Variants in CDC42SE2 observed in about 807,000 individuals in gnomAD.
CDC42SE2 encodes CDC42 small effector 2.
Under a neutral mutation model 11.5 loss-of-function variants are expected in CDC42SE2, and 3 were observed. That is an observed-to-expected ratio of 0.26 (90% CI 0.12 to 0.67). The LOEUF (loss-of-function observed/expected upper bound fraction) is 0.67. Ranked by LOEUF, CDC42SE2 falls within the 30% of genes least tolerant of loss-of-function variation. CDC42SE2 has a pLI of 0.80. For missense variants in CDC42SE2, 82 were observed against 106.8 expected (o/e 0.77, Z 1.02); for synonymous variants, 33 against 34.8 (o/e 0.95, Z 0.18).
At chr5:131,351,523 G>C (rs1346286904) in intron 2 of CDC42SE2, among the ~76,000 whole-genome samples, 1 of 152,072 alleles carries the variant, frequency 6.6e-6, no homozygotes, top group Non-Finnish European at 1.5e-5. Flanking sequence ...CAAAGTGTTG[G>C]GATTACAGGC....
At chr5:131,258,919 A>G (rs1358758804) in intron 2 of CDC42SE2, among the ~76,000 whole-genome samples, 1 of 152,238 alleles carries the variant, frequency 6.6e-6, no homozygotes, top group African/African-American at 2.4e-5. Flanking sequence ...CCTGGCAAAC[A>G]GCAGGCATTC....
chr5:131,218,735 G>A, the CDC42SE2 span, among the ~76,000 whole-genome samples: 2 of 152,294 alleles, frequency 1.3e-5, no homozygotes, highest in East Asian at 1.9e-4. Context: ...TCAAGATAGC[G>A]GTTATCCTTG....
intron 1 of CDC42SE2, among the ~76,000 whole-genome samples, chr5:131,279,878 GCCC>G (rs1757203060): frequency 6.6e-6 from 1 of 152,116 alleles, no homozygotes; most frequent in Non-Finnish European, 1.5e-5. Context: ...TTCGAGATCA[GCCC>G]AGGCAACAGG....
In CDC42SE2 at chr5:131,348,865, A is replaced by T. The variant is rs536221455; in HGVS notation, c.-285-10344A>T. On this transcript the variant is annotated intron_variant, in intron 2 of 4. Coordinates refer to ENST00000505065, the MANE Select transcript of CDC42SE2 (RefSeq NM_001375635.1). ...TCTACACCCATCTGATCTTTGAGAAACCTGACAAAAACAAGAAATGGGGAA... is the reference window on the plus strand; with the variant it reads ...TCTACACCCATCTGATCTTTGAGAATCCTGACAAAAACAAGAAATGGGGAA... Among the ~76,000 whole-genome samples, 5 of 152,322 alleles carry T rather than the reference A, an allele frequency of 3.3e-5. No homozygotes were observed. The South Asian group carries it at 8.3e-4, about 25-fold the overall frequency.
At chr5:131,314,593 A>T (rs1303164445) in intron 1 of CDC42SE2, among the ~76,000 whole-genome samples, 1 of 152,106 alleles carries the variant, frequency 6.6e-6, no homozygotes, top group African/African-American at 2.4e-5. Flanking sequence ...ATTTTTGAGT[A>T]TTAATCTTGG....
intron 2 of CDC42SE2, among the ~76,000 whole-genome samples, chr5:131,349,382 C>G (rs189626599): frequency 6.6e-6 from 1 of 151,946 alleles, no homozygotes; most frequent in East Asian, 1.9e-4. Flanking sequence ...GGAGATATAC[C>G]TAATGTAAAT....
intron 1 of CDC42SE2, among the ~76,000 whole-genome samples, chr5:131,265,198 A>G (rs1489719229): frequency 2.0e-5 from 3 of 152,226 alleles, no homozygotes; most frequent in East Asian, 1.9e-4. Flanking sequence ...TCTCAATATT[A>G]TGAACATAGA....
chr5:131,342,071 G>A (rs2149753409), intron 2 of CDC42SE2, among the ~76,000 whole-genome samples: 1 of 152,126 alleles, frequency 6.6e-6, no homozygotes, highest in African/African-American at 2.4e-5. Flanking sequence ...CAGGAGGTCA[G>A]GAGATCGAGA....
the CDC42SE2 span, among the ~76,000 whole-genome samples, chr5:131,232,649 G>A: frequency 1.4e-5 from 2 of 145,252 alleles, no homozygotes; most frequent in Non-Finnish European, 3.0e-5. Flanking sequence ...CAGGAGAATT[G>A]CTTAAACACA....
At chr5:131,234,891 A>ATTT in the CDC42SE2 span, among the ~76,000 whole-genome samples, 7 of 135,076 alleles carry the variant, frequency 5.2e-5, no homozygotes, top group South Asian at 2.4e-4. Context: ...GTGAGGGCAA[A>ATTT]TTTTTTTTTT....
intron 2 of CDC42SE2, among the ~76,000 whole-genome samples, chr5:131,339,246 GAAAA>G (rs34594352): frequency 1.8e-4 from 5 of 28,240 alleles, no homozygotes; most frequent in East Asian, 2.5e-3. Context: ...GACTCTGTCT[GAAAA>G]AAAAAAAAAA....
intron 2 of CDC42SE2, among the ~76,000 whole-genome samples, chr5:131,335,576 C>G (rs1481125057): frequency 6.6e-6 from 1 of 152,162 alleles, no homozygotes; most frequent in African/African-American, 2.4e-5. Context: ...ATGTTAAAGT[C>G]TCCCGTTATT....
rs139198093 is a variant in CDC42SE2, at chr5:131,393,522, C to T, written c.*2431C>T. 1 of 152,346 alleles carries T rather than the reference C, an allele frequency of 6.6e-6. No individual in the cohort carries two copies. The highest frequency in any genetic ancestry group is 1.5e-5 in the Non-Finnish European group (1 of 68,032). 9.4% of individuals were successfully genotyped at this position (152,346 alleles called of 1,614,324 possible). On this transcript the variant is annotated 3_prime_UTR_variant, in exon 5 of 5. Transcript: ENST00000505065. Reference sequence around the variant, plus strand: ...TTGAATTCATCCATTGTCACTGATTCACCAAGTGGATGTTGCATTGTGGAA... The same window carrying T: ...TTGAATTCATCCATTGTCACTGATTTACCAAGTGGATGTTGCATTGTGGAA...
chr5:131,281,450 T>C (rs1757236766), intron 1 of CDC42SE2, among the ~76,000 whole-genome samples: 1 of 152,198 alleles, frequency 6.6e-6, no homozygotes, highest in Admixed American at 6.5e-5. Flanking sequence ...TGTGAGTGGA[T>C]ATGCAAGTGC....
At chr5:131,349,627 A>T (rs1758951446) in intron 2 of CDC42SE2, among the ~76,000 whole-genome samples, 1 of 152,204 alleles carries the variant, frequency 6.6e-6, no homozygotes, top group Admixed American at 6.6e-5. Flanking sequence ...ACTGTATATG[A>T]GTATGTGTTT....
intron 2 of CDC42SE2, among the ~76,000 whole-genome samples, chr5:131,324,511 T>C (rs1758258174): frequency 6.6e-6 from 1 of 152,126 alleles, no homozygotes; most frequent in African/African-American, 2.4e-5. Flanking sequence ...GTTGTGCAGC[T>C]GCAACCCTGG....
chr5:131,296,004 A>C lies in CDC42SE2; in HGVS notation c.-454-19972A>C, dbSNP rs552597389. ...CCGGCCAACACATTTCTTTTTATCC[A>C]GTTTTACTATGGGTATGTACTATCT... On this transcript the variant is annotated intron_variant, in intron 1 of 4. Coordinates refer to ENST00000505065, the MANE Select transcript of CDC42SE2 (RefSeq NM_001375635.1). 2.0e-5 allele frequency among the ~76,000 whole-genome samples: 3 copies of C among 152,242 alleles called. No homozygotes were observed. In the South Asian group the frequency reaches 6.2e-4, roughly 32 times the overall value.
chr5:131,351,493 A>G (rs1372036240), intron 2 of CDC42SE2, among the ~76,000 whole-genome samples: 1 of 151,948 alleles, frequency 6.6e-6, no homozygotes, highest in African/African-American at 2.4e-5. Context: ...TGACCTTGTG[A>G]TCCGCCCGCC....
chr5:131,340,188 C>G (rs1758679183), intron 2 of CDC42SE2, among the ~76,000 whole-genome samples: 3 of 152,134 alleles, frequency 2.0e-5, no homozygotes, highest in Non-Finnish European at 4.4e-5. Flanking sequence ...GTTTTGCTTT[C>G]TTTGGTTTCA....
Sources: allele counts gnomAD v4.1 joint callset (sites outside exome capture counted in the v4.1 genomes callset), GRCh38; gene constraint gnomAD v4.1.1; transcripts MANE v1.5; gene names NCBI Gene and HGNC (gene_info 2026-07-23, HGNC 2026-07-21).